The following TAFA4 variants were observed in gnomAD, a reference collection of about 807,000 sequenced individuals.
TAFA4 encodes chemokine-like protein TAFA-4.
Under a neutral mutation model 21.1 loss-of-function variants are expected in TAFA4, and 20 were observed. The observed-to-expected ratio is 0.95, with a 90% confidence interval of 0.67 to 1.38. The LOEUF is 1.38. Ranked by LOEUF, TAFA4 falls within the 40% of genes most tolerant of loss-of-function variation. The pLI is 0.00. For missense variants in TAFA4, 211 were observed against 180.9 expected, an observed-to-expected ratio of 1.17 and a Z score of -0.95; for synonymous variants, 71 against 67.4, an observed-to-expected ratio of 1.05 and a Z score of -0.26.
intron 4 of TAFA4, among the ~76,000 whole-genome samples, chr3:68,752,608 GT>G (rs1161310532): frequency 6.6e-6 from 1 of 152,164 alleles, no homozygotes; most frequent in African/African-American, 2.4e-5. Flanking sequence ...AGACAGGTGG[GT>G]AAAAGGAATT....
intron 3 of TAFA4, among the ~76,000 whole-genome samples, chr3:68,817,397 C>T (rs761558542): frequency 5.9e-5 from 9 of 152,152 alleles, no homozygotes; most frequent in Admixed American, 6.5e-5. Context: ...TCCTCATAGT[C>T]ATCCATGAGA....
At chr3:68,810,917 AC>A (rs1703821767) in intron 3 of TAFA4, among the ~76,000 whole-genome samples, 1 of 151,990 alleles carries the variant, frequency 6.6e-6, no homozygotes, top group Admixed American at 6.6e-5. Flanking sequence ...CTGGGAGGCA[AC>A]CCCCAGTAGG....
rs138738795 is a variant in TAFA4 at position 68,841,575 on chromosome 3, T to C, written c.130+39155A>G. On this transcript the variant is annotated intron_variant, in intron 3 of 5. Coordinates refer to ENST00000295569, the MANE Select transcript of TAFA4 (RefSeq NM_182522.5). ...TTTTTTTCTGATTTTTTTTTAATTA[T>C]ACTTTAAGTTCTGGGATGCATGTGC... Among the ~76,000 whole-genome samples, 374 of 152,222 alleles carry C rather than the reference T, an allele frequency of 2.5e-3. 1 individual carries two copies. Among genetic ancestry groups the C allele is most frequent in the Non-Finnish European group, 4.4e-3 (300 of 68,024 alleles).
chr3:68,772,220 T>C (rs1299210334), intron 3 of TAFA4, among the ~76,000 whole-genome samples: 2 of 152,198 alleles, frequency 1.3e-5, no homozygotes, highest in Non-Finnish European at 2.9e-5. Context: ...AATGAGTTCA[T>C]TTATGGGTAT....
chr3:68,857,053 A>C (rs1340853312), intron 3 of TAFA4, among the ~76,000 whole-genome samples: 1 of 152,194 alleles, frequency 6.6e-6, no homozygotes, highest in Non-Finnish European at 1.5e-5. Flanking sequence ...TACTAAAATA[A>C]TAATTACTAT....
intron 2 of TAFA4, among the ~76,000 whole-genome samples, chr3:68,881,063 A>G (rs965620738): frequency 5.9e-5 from 9 of 152,216 alleles, no homozygotes; most frequent in African/African-American, 2.2e-4. Flanking sequence ...CCAAGTTAGC[A>G]CTATGCATCA....
intron 3 of TAFA4, among the ~76,000 whole-genome samples, chr3:68,835,602 G>A (rs1292208129): frequency 6.6e-6 from 1 of 152,228 alleles, no homozygotes; most frequent in Non-Finnish European, 1.5e-5. Flanking sequence ...GTGGAGCAGA[G>A]AAAGATGTTT....
chr3:68,762,005 G>C (rs1702763259), intron 3 of TAFA4, among the ~76,000 whole-genome samples: 2 of 151,966 alleles, frequency 1.3e-5, no homozygotes, highest in South Asian at 4.2e-4. Context: ...AGGTAACTGA[G>C]AGAAGTCCAG....
intron 1 of TAFA4, among the ~76,000 whole-genome samples, chr3:68,891,954 T>C (rs563645414): frequency 2.6e-5 from 4 of 152,332 alleles, no homozygotes; most frequent in African/African-American, 9.6e-5. Flanking sequence ...GAAATGTAAC[T>C]TCTCTCTTGA....
At chr3:68,834,688 T>G (rs1013978367) in intron 3 of TAFA4, among the ~76,000 whole-genome samples, 4 of 152,172 alleles carry the variant, frequency 2.6e-5, no homozygotes, top group African/African-American at 9.7e-5. Flanking sequence ...CCCTTCTTTC[T>G]GGTTGCTCAA....
chr3:68,843,617 C>T (rs1375819607), intron 3 of TAFA4, among the ~76,000 whole-genome samples: 1 of 152,194 alleles, frequency 6.6e-6, no homozygotes, highest in Non-Finnish European at 1.5e-5. Flanking sequence ...GGAATGCTTC[C>T]ACGTTTTGCC....
chr3:68,793,212 AAAG>A (rs1247207612), intron 3 of TAFA4, among the ~76,000 whole-genome samples: 2 of 152,202 alleles, frequency 1.3e-5, no homozygotes, highest in South Asian at 2.1e-4. Context: ...ATTCAGAAAA[AAAG>A]AAGATGGTTC....
intron 3 of TAFA4, among the ~76,000 whole-genome samples, chr3:68,757,380 A>G (rs957125415): frequency 1.3e-5 from 2 of 152,038 alleles, no homozygotes; most frequent in Non-Finnish European, 2.9e-5. Context: ...CTCTCCAAAT[A>G]TAATCACATT....
chr3:68,856,025 A>G (rs1432203114), intron 3 of TAFA4, among the ~76,000 whole-genome samples: 3 of 152,174 alleles, frequency 2.0e-5, no homozygotes, highest in Non-Finnish European at 4.4e-5. Context: ...GGTGAGGCAG[A>G]AAAGAAGATT....
intron 4 of TAFA4, among the ~76,000 whole-genome samples, chr3:68,744,034 A>G (rs72933932): frequency 0.017 from 2,591 of 152,300 alleles, 79 homozygotes; most frequent in African/African-American, 0.059. Flanking sequence ...AAGTTACATA[A>G]ATGTTGACAG....
intron 1 of TAFA4, among the ~76,000 whole-genome samples, chr3:68,896,081 G>A (rs182739557): frequency 2.7e-4 from 41 of 152,230 alleles, no homozygotes; most frequent in African/African-American, 9.1e-4. Context: ...GTTCAGGAGC[G>A]GAGAGGTAGC....
intron 1 of TAFA4, among the ~76,000 whole-genome samples, chr3:68,911,943 T>G (rs1276079669): frequency 1.3e-5 from 2 of 152,128 alleles, no homozygotes; most frequent in African/African-American, 4.8e-5. Flanking sequence ...ACACCTCACC[T>G]CCGAAGCATC....
At chr3:68,804,626 C>T (rs138203099) in intron 3 of TAFA4, among the ~76,000 whole-genome samples, 39 of 152,262 alleles carry the variant, frequency 2.6e-4, no homozygotes, top group African/African-American at 8.9e-4. Context: ...TGGAAGAGAA[C>T]AGAGGCCTCA....
chr3:68,738,647 TG>T (rs1575589794), intron 5 of TAFA4, among the ~76,000 whole-genome samples: 1 of 152,158 alleles, frequency 6.6e-6, no homozygotes, highest in East Asian at 1.9e-4. Flanking sequence ...GACGACCACT[TG>T]GGGAGAAAAG....
Sources: gnomAD v4.1 joint callset for allele counts (sites outside exome capture counted in the v4.1 genomes callset) on GRCh38, gnomAD v4.1.1 for gene constraint, MANE v1.5 for transcripts, NCBI Gene and HGNC (gene_info 2026-07-23, HGNC 2026-07-21) for gene names.